The following POU6F2 variants were observed in gnomAD, a reference collection of about 807,000 sequenced individuals.
POU6F2 encodes POU domain, class 6, transcription factor 2.
A neutral mutation model predicts 71.3 loss-of-function variants in POU6F2; 31 were observed. That is an observed-to-expected ratio of 0.43 (90% CI 0.33 to 0.59). The LOEUF is 0.59. Ranked by LOEUF, POU6F2 falls within the 20% of genes least tolerant of loss-of-function variation. The probability of loss-of-function intolerance (pLI) is 0.04; values close to 1 mark genes in which losing one functional copy is unlikely to be tolerated. For missense variants in POU6F2, 783 were observed against 856.8 expected (o/e 0.91, Z 1.07); for synonymous variants, 347 against 355.7 (o/e 0.98, Z 0.27).
intron 1 of POU6F2, among the ~76,000 whole-genome samples, chr7:39,027,425 C>T (rs1266465114): frequency 6.6e-6 from 1 of 152,126 alleles, no homozygotes; most frequent in Admixed American, 6.6e-5. Flanking sequence ...ACCCTATTGC[C>T]CACAAGGGCT....
chr7:39,401,264 G>C (rs1267127940), intron 5 of POU6F2, among the ~76,000 whole-genome samples: 1 of 152,198 alleles, frequency 6.6e-6, no homozygotes, highest in Non-Finnish European at 1.5e-5. Flanking sequence ...AATGGAGACA[G>C]TTGGCAGAGA....
At chr7:39,287,535 C>T (rs1784672262) in intron 4 of POU6F2, among the ~76,000 whole-genome samples, 1 of 152,198 alleles carries the variant, frequency 6.6e-6, no homozygotes, top group Non-Finnish European at 1.5e-5. Context: ...TAAATGTGTT[C>T]ATGTATGCAG....
rs115631230 is a variant in POU6F2, at chr7:39,390,311, G to A, written c.973-16289G>A. 9.8e-3 allele frequency among the ~76,000 whole-genome samples: 1,494 copies of A among 152,268 alleles called. 17 individuals are homozygous for A. The highest frequency in any genetic ancestry group is 0.035 in the African/African-American group (1,437 of 41,550). ...CTTGGGAGGCTGAGGCAGAAGATTC[G>A]CTTGAAAGGGGGAGGTGGAGGCTGC... is the stretch of plus-strand genomic sequence containing the variant. On this transcript the variant is annotated intron_variant, in intron 5 of 9. Coordinates refer to ENST00000518318, the MANE Select transcript of POU6F2 (RefSeq NM_001370959.1).
intron 4 of POU6F2, among the ~76,000 whole-genome samples, chr7:39,244,838 T>C (rs562431046): frequency 5.1e-4 from 77 of 152,306 alleles, no homozygotes; most frequent in African/African-American, 1.8e-3. Flanking sequence ...ACTTCACAGC[T>C]GCCCCTTACC....
At chr7:39,398,595 T>G (rs1293729860) in intron 5 of POU6F2, among the ~76,000 whole-genome samples, 1 of 151,330 alleles carries the variant, frequency 6.6e-6, no homozygotes, top group Non-Finnish European at 1.5e-5. Context: ...GATAAGGTAG[T>G]CAAGGAAGGT....
At chr7:39,103,813 C>T (rs1448124594) in intron 2 of POU6F2, among the ~76,000 whole-genome samples, 4 of 152,116 alleles carry the variant, frequency 2.6e-5, no homozygotes, top group Non-Finnish European at 5.9e-5. Context: ...CCAGGCTTCA[C>T]TTAGATAAGA....
chr7:39,218,376 C>T (rs572530555), intron 4 of POU6F2, among the ~76,000 whole-genome samples: 20 of 152,128 alleles, frequency 1.3e-4, no homozygotes, highest in African/African-American at 4.1e-4. Context: ...ATAAGAAAAT[C>T]GGAGACAGTT....
At chr7:39,106,131 C>T (rs936088591) in intron 2 of POU6F2, among the ~76,000 whole-genome samples, 3 of 152,168 alleles carry the variant, frequency 2.0e-5, no homozygotes, top group Non-Finnish European at 4.4e-5. Context: ...TCTACACACT[C>T]GGCTTTACTG....
At chr7:39,228,565 T>A (rs186787273) in intron 4 of POU6F2, among the ~76,000 whole-genome samples, 147 of 152,342 alleles carry the variant, frequency 9.6e-4, no homozygotes, top group African/African-American at 2.9e-3. Context: ...CCAGCAGTGT[T>A]TGTGGCACTC....
At chr7:39,154,004 C>T (rs1792811647) in intron 2 of POU6F2, among the ~76,000 whole-genome samples, 1 of 152,174 alleles carries the variant, frequency 6.6e-6, no homozygotes. Flanking sequence ...TGTTAGAAAT[C>T]TGGCTGTTCA....
intron 1 of POU6F2, among the ~76,000 whole-genome samples, chr7:38,987,136 G>A (rs775494476): frequency 5.3e-5 from 8 of 152,120 alleles, no homozygotes; most frequent in Non-Finnish European, 1.0e-4. Context: ...AGTGTCTCCT[G>A]AGAGAAGGTT....
intron 2 of POU6F2, among the ~76,000 whole-genome samples, chr7:39,094,906 T>C (rs574266833): frequency 1.1e-4 from 17 of 152,250 alleles, no homozygotes; most frequent in Non-Finnish European, 2.2e-4. Flanking sequence ...GGGAGTGAAA[T>C]GCACTTCATC....
At chr7:39,096,561 G>GT (rs1562704433) in intron 2 of POU6F2, among the ~76,000 whole-genome samples, 3 of 152,112 alleles carry the variant, frequency 2.0e-5, no homozygotes. Context: ...CACACTTAGG[G>GT]TTTTTTATCA....
At chr7:39,339,096 A>AC (rs1282381641) in intron 4 of POU6F2, among the ~76,000 whole-genome samples, 8 of 152,042 alleles carry the variant, frequency 5.3e-5, no homozygotes, top group African/African-American at 1.9e-4. Flanking sequence ...AAAAAAAAAA[A>AC]ACAGTTAGAA....
chr7:39,031,437 C>A (rs943918439), intron 1 of POU6F2, among the ~76,000 whole-genome samples: 5 of 152,128 alleles, frequency 3.3e-5, no homozygotes, highest in African/African-American at 1.2e-4. Context: ...TCAGTGAATA[C>A]ATTTCATTTT....
chr7:39,154,429 A>T (rs1792823810), intron 2 of POU6F2, among the ~76,000 whole-genome samples: 1 of 152,208 alleles, frequency 6.6e-6, no homozygotes, highest in Non-Finnish European at 1.5e-5. Flanking sequence ...AGTTACTAGC[A>T]CAGCAAGTGC....
chr7:39,111,919 A>G (rs1413151127), intron 2 of POU6F2, among the ~76,000 whole-genome samples: 1 of 152,126 alleles, frequency 6.6e-6, no homozygotes, highest in East Asian at 1.9e-4. Flanking sequence ...ACCAAACCCC[A>G]ATGGGTGGAA....
Position 39,194,834 on chromosome 7 carries a change from G to C in POU6F2, c.278-9401G>C, listed in dbSNP as rs202230767. Among the ~76,000 whole-genome samples the C allele has an allele frequency of 2.0e-5, 3 of 152,272 alleles. No individual in the cohort carries two copies. The East Asian group carries it at 5.8e-4, about 29-fold the overall frequency. ...AGTCAGCGAGACCACGAACCCCCCCGGGGAGGAAGAAGCAATTCTGGACGT... is the reference window on the plus strand; with the variant it reads ...AGTCAGCGAGACCACGAACCCCCCCCGGGAGGAAGAAGCAATTCTGGACGT... On this transcript the variant is annotated intron_variant, in intron 2 of 9. Transcript: ENST00000518318.
chr7:39,005,484 C>CTGTGTGTG (rs56984287), intron 1 of POU6F2, among the ~76,000 whole-genome samples: 12,633 of 126,650 alleles, frequency 0.1, 808 homozygotes, highest in Non-Finnish European at 0.12. Flanking sequence ...AGGGAGAAAC[C>CTGTGTGTG]TGTGTGTGTG....
Sources: allele counts gnomAD v4.1 joint callset (sites outside exome capture counted in the v4.1 genomes callset), GRCh38; gene constraint gnomAD v4.1.1; transcripts MANE v1.5; gene names NCBI Gene and HGNC (gene_info 2026-07-23, HGNC 2026-07-21).